Variants in HIVEP3 observed in about 807,000 individuals in gnomAD.
HIVEP3 encodes the protein HIVEP zinc finger 3, also known as transcription factor HIVEP3.
In HIVEP3, 49 loss-of-function variants were observed where a neutral mutation model predicts 152.8. That is an observed-to-expected ratio of 0.32 (90% CI 0.26 to 0.41). The LOEUF (loss-of-function observed/expected upper bound fraction) is 0.41, where lower values mean the gene tolerates loss of function less well. Among genes scored for constraint, HIVEP3 ranks in the 10% least tolerant of loss-of-function variants. The probability of loss-of-function intolerance (pLI) is 1.00; values close to 1 mark genes in which losing one functional copy is unlikely to be tolerated. For synonymous variants in HIVEP3, 1,269 were observed against 1,289.0 expected (o/e 0.98, Z 0.33); for missense variants, 2,790 against 3,103.3 (o/e 0.90, Z 2.40).
At chr1:41,831,033 C>A (rs1642949052) in intron 1 of HIVEP3, among the ~76,000 whole-genome samples, 1 of 152,214 alleles carries the variant, frequency 6.6e-6, no homozygotes, top group South Asian at 2.1e-4. Context: ...ATGCAGTCAT[C>A]CACATCTGAA....
intron 2 of HIVEP3, among the ~76,000 whole-genome samples, chr1:41,688,897 C>T (rs1227441740): frequency 1.3e-5 from 2 of 152,054 alleles, no homozygotes; most frequent in East Asian, 3.9e-4. Context: ...CTGCTTGTCT[C>T]ACAAGAAAGC....
intron 1 of HIVEP3, among the ~76,000 whole-genome samples, chr1:41,888,331 C>T (rs1299528211): frequency 6.6e-6 from 1 of 151,138 alleles, no homozygotes; most frequent in Non-Finnish European, 1.5e-5. Context: ...GGATTACAGG[C>T]ATGAGCCACC....
chr1:41,630,503 A>G (rs1422265882), intron 2 of HIVEP3, among the ~76,000 whole-genome samples: 1 of 152,218 alleles, frequency 6.6e-6, no homozygotes, highest in African/African-American at 2.4e-5. Flanking sequence ...GTCTGGAGAA[A>G]GCTTCATCAT....
In HIVEP3 at chr1:41,709,991, C is replaced by G. The variant is rs12408804; in HGVS notation, c.-800-8996G>C. Reference sequence around the variant, plus strand: ...ACTTTCGGTTAAGAACCCACTTCCACCAGCAGCTGAGAAAGCCCTAGGGAA... The same window carrying G: ...ACTTTCGGTTAAGAACCCACTTCCAGCAGCAGCTGAGAAAGCCCTAGGGAA... On this transcript the variant is annotated intron_variant, in intron 1 of 8. Transcript: ENST00000372583. Among the ~76,000 whole-genome samples the G allele has an allele frequency of 0.021, 3,214 of 152,192 alleles. 168 individuals carry two copies. In the East Asian group the frequency reaches 0.22, roughly 10 times the overall value.
In HIVEP3 at chr1:41,513,614, C is replaced by G; in HGVS notation, c.5607G>C (p.Glu1869Asp). Reference protein sequence around the residue: ...LDEDEDEDEEESQDELSRPSS... With the variant: ...LDEDEDEDEEDSQDELSRPSS... ...ATGGTCTGGACAGCTCATCCTGGCT[C>G]TCCTCCTCATCCTCATCCTCGTCTT... Residue 1869 changes from glutamate to aspartate, a missense_variant, in exon 8 of 9, where the codon GAG (glutamate) becomes GAC (aspartate). Transcript: ENST00000372583. The G allele has an allele frequency of 4.3e-6, 7 of 1,613,840 alleles. No homozygotes were observed. In the South Asian group the frequency reaches 4.4e-5, roughly 10 times the overall value.
chr1:41,824,098 A>G (rs1231220590), intron 1 of HIVEP3, among the ~76,000 whole-genome samples: 3 of 152,166 alleles, frequency 2.0e-5, no homozygotes, highest in Non-Finnish European at 4.4e-5. Context: ...TCTTCATGTC[A>G]GAAGTCAGGG....
At chr1:41,653,485 C>T (rs1170661326) in intron 2 of HIVEP3, among the ~76,000 whole-genome samples, 2 of 152,174 alleles carry the variant, frequency 1.3e-5, no homozygotes, top group African/African-American at 2.4e-5. Flanking sequence ...CACATCTTTA[C>T]ACCCCATGGC....
At chr1:41,797,211 A>G (rs1650034824) in intron 1 of HIVEP3, among the ~76,000 whole-genome samples, 1 of 152,236 alleles carries the variant, frequency 6.6e-6, no homozygotes, top group South Asian at 2.1e-4. Flanking sequence ...CCAGTCCAGC[A>G]TGAAGCTAAG....
chr1:41,928,708 G>A (rs1264285205), intron 1 of HIVEP3, among the ~76,000 whole-genome samples: 2 of 152,150 alleles, frequency 1.3e-5, no homozygotes, highest in Non-Finnish European at 2.9e-5. Context: ...GTACTTGGCA[G>A]GTATTTTGTA....
intron 3 of HIVEP3, among the ~76,000 whole-genome samples, chr1:41,592,232 T>A (rs549083459): frequency 6.6e-6 from 1 of 152,258 alleles, no homozygotes; most frequent in South Asian, 2.1e-4. Context: ...ATGGGTCCGG[T>A]AACCTGTGGC....
At chr1:41,817,587 C>G (rs1013825506) in intron 1 of HIVEP3, among the ~76,000 whole-genome samples, 4 of 152,174 alleles carry the variant, frequency 2.6e-5, no homozygotes, top group African/African-American at 9.7e-5. Flanking sequence ...GATCCCAGGT[C>G]ACCAGGAGGA....
At chr1:41,543,162 C>T (rs1643574287) in intron 5 of HIVEP3, 1 of 152,306 alleles carries the variant, frequency 6.6e-6, no homozygotes, top group Admixed American at 6.5e-5. Flanking sequence ...TTAGTGTCCT[C>T]ACCAGCAGAA....
chr1:41,983,254 A>G (rs969517362), intron 1 of HIVEP3, among the ~76,000 whole-genome samples: 5 of 152,202 alleles, frequency 3.3e-5, no homozygotes, highest in Non-Finnish European at 7.3e-5. Flanking sequence ...TTTTATTAAT[A>G]TCTACTATAA....
At chr1:41,779,978 A>T (rs1648944198) in intron 1 of HIVEP3, among the ~76,000 whole-genome samples, 1 of 152,200 alleles carries the variant, frequency 6.6e-6, no homozygotes, top group South Asian at 2.1e-4. Context: ...GGAGATCATG[A>T]TCTGTCCCCC....
chr1:41,843,414 G>A (rs1643345743), intron 1 of HIVEP3, among the ~76,000 whole-genome samples: 1 of 152,176 alleles, frequency 6.6e-6, no homozygotes, highest in African/African-American at 2.4e-5. Context: ...AAACATTTCA[G>A]GACCCATTTC....
chr1:41,946,215 A>AG (rs1472309920), intron 1 of HIVEP3, among the ~76,000 whole-genome samples: 1 of 152,216 alleles, frequency 6.6e-6, no homozygotes, highest in Non-Finnish European at 1.5e-5. Context: ...CCTTATGTCA[A>AG]GGGAATCACT....
At chr1:41,822,727 A>G (rs576825269) in intron 1 of HIVEP3, among the ~76,000 whole-genome samples, 1 of 152,144 alleles carries the variant, frequency 6.6e-6, no homozygotes, top group Non-Finnish European at 1.5e-5. Flanking sequence ...TTTGCATCAC[A>G]CAAAACTGCT....
intron 1 of HIVEP3, among the ~76,000 whole-genome samples, chr1:41,812,685 G>C (rs550193602): frequency 2.6e-5 from 4 of 152,084 alleles, no homozygotes; most frequent in South Asian, 4.2e-4. Context: ...GTAGGGGGTG[G>C]GGGGGGACCT....
At chr1:41,901,762 A>C (rs1395094180) in intron 1 of HIVEP3, among the ~76,000 whole-genome samples, 1 of 152,140 alleles carries the variant, frequency 6.6e-6, no homozygotes, top group African/African-American at 2.4e-5. Context: ...CACCATGCAC[A>C]CAGCCCAGGA....
Sources: gnomAD v4.1 joint callset for allele counts (sites outside exome capture counted in the v4.1 genomes callset) on GRCh38, gnomAD v4.1.1 for gene constraint, MANE v1.5 for transcripts, NCBI Gene and HGNC (gene_info 2026-07-23, HGNC 2026-07-21) for gene names.